TSFM: variants seen among roughly 807,000 people sequenced by gnomAD.
TSFM encodes the protein elongation factor Ts, mitochondrial.
Under a neutral mutation model 33.4 loss-of-function variants are expected in TSFM, and 29 were observed. That is an observed-to-expected ratio of 0.87 (90% CI 0.65 to 1.18). The LOEUF (loss-of-function observed/expected upper bound fraction) is 1.18, where lower values mean the gene tolerates loss of function less well. Among genes scored for constraint, TSFM ranks in the 50% most tolerant of loss-of-function variants. TSFM has a pLI of 0.00. For missense variants in TSFM, 394 were observed against 395.6 expected (o/e 1.00, Z 0.04); for synonymous variants, 178 against 163.5 (o/e 1.09, Z -0.68).
downstream of TSFM, chr12:57,801,032 T>G: frequency 1.2e-6 from 1 of 810,608 alleles, no homozygotes; most frequent in Admixed American, 2.5e-5. Flanking sequence ...AACAGACAAC[T>G]ATGGTAATAC....
chr12:57,784,395 T>A (rs1486944792), intron 2 of TSFM, among the ~76,000 whole-genome samples: 1 of 152,238 alleles, frequency 6.6e-6, no homozygotes, highest in African/African-American at 2.4e-5. Context: ...ATTACATTTA[T>A]AAGAAATTTT....
At chr12:57,786,912 G>A in intron 3 of TSFM, 128 bp from the exon 4 acceptor site, 1 of 1,009,744 alleles carries the variant, frequency 9.9e-7, no homozygotes, top group Admixed American at 3.0e-5. Flanking sequence ...TTAAAATTTT[G>A]GAGTCATTTT....
At chr12:57,802,764 A>AC (rs1192915586), downstream of TSFM, 2 of 579,852 alleles carry the variant, frequency 3.4e-6, no homozygotes, top group South Asian at 2.3e-5. Flanking sequence ...TTTCCTAGAA[A>AC]CCCCCCATAT....
intron 2 of TSFM, 104 bp downstream of exon 2, chr12:57,783,387 T>A: frequency 7.3e-7 from 1 of 1,366,700 alleles, no homozygotes; most frequent in Non-Finnish European, 1.0e-6. Context: ...TCAGTGACCA[T>A]AATGGCACAG....
At chr12:57,797,983 C>A, downstream of TSFM, 1 of 1,607,932 alleles carries the variant, frequency 6.2e-7, no homozygotes. Context: ...AAGTCCTGTT[C>A]AGAGAGGTAA....
Position 57,783,167 on chromosome 12 carries a change from C to G in TSFM, c.115C>G (p.Arg39Gly). The G allele has an allele frequency of 6.8e-6, 11 of 1,613,408 alleles. No individual in the cohort carries two copies. The highest frequency in any genetic ancestry group is 9.3e-6 in the Non-Finnish European group (11 of 1,179,894). The change falls in exon 2 of 6, where the codon CGT (arginine) becomes GGT (glycine). Residue 39 changes from arginine (R) to glycine (G), a missense_variant. This residue lies in a region of TSFM where 208 missense variants were observed against 180.4 expected (regional missense o/e 1.15). Coordinates refer to ENST00000652027, the MANE Select transcript of TSFM (RefSeq NM_005726.6). ...AAGGCACACATTTTATGCTGGGCCC[C>G]GTCTGTCTGCCTCGGCCTCCAGCAA... ...QPRHTFYAGPRLSASASSKEL... is the reference protein window; with the variant it reads ...QPRHTFYAGPGLSASASSKEL...
chr12:57,789,341 C>T lies in TSFM; in HGVS notation c.483+2179C>T, dbSNP rs142394086. On this transcript the variant is annotated intron_variant, in intron 4 of 5. Transcript: ENST00000652027. ...TCCTTTATTCCTTCAGCATGTATCT[C>T]GTAAAAACAAGGACATTGTTATATA... Among the ~76,000 whole-genome samples the T allele has an allele frequency of 5.4e-3, 822 of 152,148 alleles. 1 individual carries two copies. The highest frequency in any genetic ancestry group is 0.02 in the Middle Eastern group (6 of 294).
At chr12:57,799,750 C>G (rs143081861), downstream of TSFM, 2 of 1,610,434 alleles carry the variant, frequency 1.2e-6, no homozygotes, top group East Asian at 2.2e-5. Context: ...TTTTTACTCA[C>G]GGAGAGCTCC....
At position 57,795,058 on chromosome 12, in the gene TSFM, C is replaced by G. The variant is rs190190953; in HGVS notation, c.572-1119C>G. 2.3e-3 allele frequency among the ~76,000 whole-genome samples: 316 copies of G among 136,422 alleles called. 7 individuals are homozygous for G. Among genetic ancestry groups the G allele is most frequent in the African/African-American group, 8.3e-3 (307 of 37,058 alleles). The allele number at this position is 136,422 out of a possible 152,430, so 89.5% of individuals were successfully genotyped here. Reference sequence around the variant, plus strand: ...ACAGGCGTGAGCCACCGCACCCAGCCCTAGTTAATGCTCCATATATATATA... The same window carrying G: ...ACAGGCGTGAGCCACCGCACCCAGCGCTAGTTAATGCTCCATATATATATA... On this transcript the variant is annotated intron_variant, in intron 5 of 5. Coordinates refer to ENST00000652027, the MANE Select transcript of TSFM (RefSeq NM_005726.6).
chr12:57,791,012 T>A (rs1457711925), intron 4 of TSFM, among the ~76,000 whole-genome samples: 3 of 151,094 alleles, frequency 2.0e-5, no homozygotes, highest in Non-Finnish European at 4.4e-5. Flanking sequence ...GGCCAGATTT[T>A]TTTTTTTTTT....
chr12:57,786,379 G>A (rs1478698325), intron 3 of TSFM, 88 bp downstream of exon 3: 3 of 1,430,068 alleles, frequency 2.1e-6, no homozygotes, highest in Non-Finnish European at 2.8e-6. Context: ...TGTTCTTGAA[G>A]AAGAGATCTG....
At position 57,786,175 on chromosome 12, in the gene TSFM, C is replaced by T. The variant is rs1422137602; in HGVS notation, c.244C>T (p.Leu82Phe). The T allele has an allele frequency of 1.9e-6, 3 of 1,605,928 alleles. No individual in the cohort carries two copies. Among genetic ancestry groups the T allele is most frequent in the Non-Finnish European group, 2.6e-6 (3 of 1,175,976 alleles). The change falls in exon 3 of 6, where the codon CTC (leucine) becomes TTC (phenylalanine). Residue 82 changes from leucine to phenylalanine, a missense_variant. Around this residue, in one of 3 missense-constraint regions of TSFM, gnomAD observed 208 missense variants for 180.4 expected, o/e 1.15. Transcript: ENST00000652027. ...GGDLKQAEIW[L>F]HKEAQKEGWS... ...TCTCAATTTACAGGCAGAGATCTGGCTCCACAAGGAGGCCCAGAAGGAGGG... is the reference window on the plus strand; with the variant it reads ...TCTCAATTTACAGGCAGAGATCTGGTTCCACAAGGAGGCCCAGAAGGAGGG...
In TSFM at chr12:57,796,837, C is replaced by T; in HGVS notation, c.*254C>T. On this transcript the variant is annotated 3_prime_UTR_variant, in exon 6 of 6. Coordinates refer to ENST00000652027, the MANE Select transcript of TSFM (RefSeq NM_005726.6). ...CAGGCATCAACAATACTGCTGCTCC[C>T]TTCAACATAGATTTATTATGGTATT... The T allele has an allele frequency of 8.8e-7, 1 of 1,135,706 alleles. No homozygotes were observed. Among genetic ancestry groups the T allele is most frequent in the Non-Finnish European group, 1.1e-6 (1 of 928,968 alleles). 70.4% of individuals were successfully genotyped at this position (1,135,706 alleles called of 1,614,324 possible).
chr12:57,787,329 C>T (rs1056868943), intron 4 of TSFM, among the ~76,000 whole-genome samples, 167 bp downstream of exon 4: 2 of 152,320 alleles, frequency 1.3e-5, no homozygotes, highest in African/African-American at 4.8e-5. Context: ...ATCCCCGTGT[C>T]ATGCTGCATT....
chr12:57,802,343 G>A, downstream of TSFM: 1 of 1,610,628 alleles, frequency 6.2e-7, no homozygotes, highest in Non-Finnish European at 8.5e-7. Flanking sequence ...CAATCCACAA[G>A]AACACCTGTT....
downstream of TSFM, chr12:57,800,689 C>T (rs1293959781): frequency 6.5e-6 from 1 of 154,692 alleles, no homozygotes. Context: ...CTCACAGCAA[C>T]TTCCGCTTCC....
At chr12:57,801,902 G>T (rs1158565232), downstream of TSFM, among the ~76,000 whole-genome samples, 1 of 152,204 alleles carries the variant, frequency 6.6e-6, no homozygotes, top group East Asian at 1.9e-4. Flanking sequence ...TCAAAAAGAT[G>T]ATGTGTATGG....
At position 57,797,134 on chromosome 12, in the gene TSFM, T is replaced by C; in HGVS notation, c.*551T>C. On this transcript the variant is annotated 3_prime_UTR_variant, in exon 6 of 6. Transcript: ENST00000652027. ...CTGGTTCTGGCCTCATTTAATGAAA[T>C]TAATAACACATGCCCCTATTTCTCT... 1.0e-6 allele frequency: 1 copy of C among 985,386 alleles called. No homozygotes were observed. The highest frequency in any genetic ancestry group is 1.7e-5 in the African/African-American group (1 of 57,346). The allele number at this position is 985,386 out of a possible 1,614,324, so 61.0% of individuals were successfully genotyped here.
chr12:57,783,713 C>A (rs1955547659), intron 2 of TSFM: 1 of 588,318 alleles, frequency 1.7e-6, no homozygotes, highest in African/African-American at 1.9e-5. Flanking sequence ...CCTGCCTCAG[C>A]CTCCTGAGTA....
Sources: gnomAD v4.1 joint callset for allele counts (sites outside exome capture counted in the v4.1 genomes callset) on GRCh38, gnomAD v4.1.1 for gene constraint, gnomAD v4.1.1 regional missense constraint, MANE v1.5 for transcripts, NCBI Gene and HGNC (gene_info 2026-07-23, HGNC 2026-07-21) for gene names.